THRB: variants seen among roughly 807,000 people sequenced by gnomAD.
The protein encoded by THRB is thyroid hormone receptor beta.
A neutral mutation model predicts 47.8 loss-of-function variants in THRB; 12 were observed. The observed-to-expected ratio is 0.25, with a 90% CI of 0.16 to 0.41. The LOEUF is 0.41. Ranked by LOEUF, THRB falls within the 10% of genes least tolerant of loss-of-function variation. The pLI is 1.00. For synonymous variants in THRB, 218 were observed against 212.2 expected, an observed-to-expected ratio of 1.03 and a Z score of -0.24; for missense variants, 348 against 589.2, an observed-to-expected ratio of 0.59 and a Z score of 4.24.
At chr3:24,414,309 G>A (rs2068564286) in intron 1 of THRB, among the ~76,000 whole-genome samples, 1 of 151,920 alleles carries the variant, frequency 6.6e-6, no homozygotes, top group Non-Finnish European at 1.5e-5. Flanking sequence ...TGTTAAGCAT[G>A]TCAAATTTAC....
At chr3:24,338,897 C>T (rs2062439308) in intron 1 of THRB, among the ~76,000 whole-genome samples, 1 of 152,128 alleles carries the variant, frequency 6.6e-6, no homozygotes, top group South Asian at 2.1e-4. Flanking sequence ...TTTCATAAAC[C>T]TTCAAGTCCA....
At position 24,181,395 on chromosome 3, in the gene THRB, C is replaced by T. The variant is rs139718501; in HGVS notation, c.283+8679G>A. Among the ~76,000 whole-genome samples, 160 of 152,280 alleles carry T rather than the reference C, an allele frequency of 1.1e-3. 1 individual carries two copies. Among genetic ancestry groups the T allele is most frequent in the African/African-American group, 3.6e-3 (151 of 41,564 alleles). On this transcript the variant is annotated intron_variant, in intron 5 of 10. Coordinates refer to ENST00000646209, the MANE Select transcript of THRB (RefSeq NM_001354712.2). ...GTTAAATAGCTGGTAAGCGTCAAAGCCAAGAACCAATGGTCATCTGTTCTA... is the reference window on the plus strand; with the variant it reads ...GTTAAATAGCTGGTAAGCGTCAAAGTCAAGAACCAATGGTCATCTGTTCTA...
At chr3:24,412,908 G>GA (rs960046907) in intron 1 of THRB, among the ~76,000 whole-genome samples, 1 of 151,600 alleles carries the variant, frequency 6.6e-6, no homozygotes, top group Non-Finnish European at 1.5e-5. Flanking sequence ...AAATATGTGA[G>GA]AAAAAAATCT....
intron 1 of THRB, among the ~76,000 whole-genome samples, chr3:24,457,577 G>C (rs2073302874): frequency 6.6e-6 from 1 of 152,098 alleles, no homozygotes; most frequent in Non-Finnish European, 1.5e-5. Context: ...CAACAAACTA[G>C]TGACATGCGA....
intron 2 of THRB, among the ~76,000 whole-genome samples, chr3:24,299,765 GC>G (rs1559869264): frequency 1.4e-3 from 65 of 46,652 alleles, no homozygotes; most frequent in African/African-American, 5.0e-3. Context: ...GGGGAAGTAT[GC>G]TTTTTTATTT....
intron 6 of THRB, 78 bp from the exon 7 acceptor site, chr3:24,146,900 T>A: frequency 7.3e-7 from 1 of 1,363,590 alleles, no homozygotes; most frequent in Non-Finnish European, 1.0e-6. Flanking sequence ...TGTGTCCATA[T>A]AACTATGAGA....
intron 3 of THRB, among the ~76,000 whole-genome samples, chr3:24,268,334 A>T (rs1196879634): frequency 1.3e-5 from 2 of 152,228 alleles, no homozygotes; most frequent in Non-Finnish European, 2.9e-5. Context: ...CTGACAAATA[A>T]AAATAATGCA....
chr3:24,335,172 G>A (rs888431474), intron 2 of THRB, among the ~76,000 whole-genome samples: 3 of 152,094 alleles, frequency 2.0e-5, no homozygotes, highest in African/African-American at 7.2e-5. Context: ...AAACCTCCTG[G>A]GAGCTACACA....
chr3:24,212,081 T>A (rs532230479), intron 4 of THRB, among the ~76,000 whole-genome samples: 4 of 151,992 alleles, frequency 2.6e-5, no homozygotes, highest in Non-Finnish European at 5.9e-5. Context: ...CTGGCCAACA[T>A]GGTGAAACCC....
chr3:24,237,637 T>C (rs568657761), intron 3 of THRB, among the ~76,000 whole-genome samples: 1 of 152,310 alleles, frequency 6.6e-6, no homozygotes, highest in African/African-American at 2.4e-5. Flanking sequence ...TATGGGATAC[T>C]GAGTCAGGAG....
chr3:24,488,339 G>A lies in THRB; in HGVS notation c.-261+6313C>T, dbSNP rs61283262. On this transcript the variant is annotated intron_variant, in intron 1 of 10. Coordinates refer to ENST00000646209, the MANE Select transcript of THRB (RefSeq NM_001354712.2). The stretch of plus-strand genomic sequence containing the variant: ...ATCCTTTCCTAATTGTGTATGCCTC[G>A]TCTGCAGTCCACTCTTAGAACACAG... Among the ~76,000 whole-genome samples, 1,075 of 152,292 alleles carry A rather than the reference G, an allele frequency of 7.1e-3. 13 individuals carry two copies. Among genetic ancestry groups the A allele is most frequent in the African/African-American group, 0.019 (810 of 41,558 alleles).
intron 5 of THRB, among the ~76,000 whole-genome samples, chr3:24,159,796 G>A (rs972088462): frequency 6.6e-6 from 1 of 151,760 alleles, no homozygotes; most frequent in Non-Finnish European, 1.5e-5. Context: ...AGTGGGAAGA[G>A]GGACCAGGAA....
At chr3:24,442,580 T>C (rs2071635222) in intron 1 of THRB, among the ~76,000 whole-genome samples, 1 of 152,142 alleles carries the variant, frequency 6.6e-6, no homozygotes, top group South Asian at 2.1e-4. Flanking sequence ...ATCCCAGCAC[T>C]TTGGGAGGCC....
At chr3:24,190,815 GC>G (rs2043234684) in intron 4 of THRB, among the ~76,000 whole-genome samples, 1 of 151,058 alleles carries the variant, frequency 6.6e-6, no homozygotes, top group Non-Finnish European at 1.5e-5. Flanking sequence ...AGTGGGACGT[GC>G]TCACGTGGCC....
rs889863999 is a variant in THRB, at chr3:24,382,393, A to G, written c.-260-45022T>C. On this transcript the variant is annotated intron_variant, in intron 1 of 10. Transcript: ENST00000646209. ...TATTCTTAATAAATAAATATTTTAC[A>G]AATAAGGAAAAATATCATTAAACGA... 5.9e-5 allele frequency among the ~76,000 whole-genome samples: 9 copies of G among 152,268 alleles called. No individual in the cohort carries two copies. In the Middle Eastern group the frequency reaches 0.01, roughly 173 times the overall value.
chr3:24,287,017 T>C (rs1172886336), intron 3 of THRB, among the ~76,000 whole-genome samples: 4 of 152,156 alleles, frequency 2.6e-5, no homozygotes, highest in Non-Finnish European at 5.9e-5. Flanking sequence ...GAATAAAATT[T>C]AACATTCACA....
At chr3:24,154,150 T>C (rs1343528096) in intron 5 of THRB, among the ~76,000 whole-genome samples, 3 of 152,234 alleles carry the variant, frequency 2.0e-5, no homozygotes, top group Admixed American at 6.5e-5. Context: ...TATTTTTAAA[T>C]ATCACAGCTT....
intron 10 of THRB, among the ~76,000 whole-genome samples, chr3:24,126,838 G>T (rs1799888): frequency 0.36 from 54,401 of 152,122 alleles, 10,895 homozygotes; most frequent in African/African-American, 0.55. Flanking sequence ...GTGGATGAAG[G>T]GATCCTGTGT....
At chr3:24,395,237 A>T (rs2066872216) in intron 1 of THRB, among the ~76,000 whole-genome samples, 1 of 152,164 alleles carries the variant, frequency 6.6e-6, no homozygotes, top group Non-Finnish European at 1.5e-5. Context: ...ATATGACACC[A>T]GAAGCACAAG....
Sources: allele counts gnomAD v4.1 joint callset (sites outside exome capture counted in the v4.1 genomes callset), GRCh38; gene constraint gnomAD v4.1.1; transcripts MANE v1.5; gene names NCBI Gene and HGNC (gene_info 2026-07-23, HGNC 2026-07-21).